The following KDM4C variants were observed in gnomAD, a reference collection of about 807,000 sequenced individuals.
KDM4C encodes the protein lysine demethylase 4C.
In KDM4C, 81 loss-of-function variants were observed where a neutral mutation model predicts 129.3. The ratio of observed to expected loss-of-function variants is 0.63; its 90% CI spans 0.52 to 0.75. The LOEUF is 0.75. Ranked by LOEUF, KDM4C falls within the 30% of genes least tolerant of loss-of-function variation. KDM4C has a pLI of 0.00. For synonymous variants in KDM4C, 573 were observed against 456.1 expected, an observed-to-expected ratio of 1.26 and a Z score of -3.26; for missense variants, 1,457 against 1,304.0, an observed-to-expected ratio of 1.12 and a Z score of -1.81.
chr9:6,997,155 C>T (rs1819911460), intron 12 of KDM4C, among the ~76,000 whole-genome samples: 1 of 152,102 alleles, frequency 6.6e-6, no homozygotes, highest in South Asian at 2.1e-4. Flanking sequence ...AAGTGTTTGG[C>T]ACATAATGAC....
At chr9:7,150,773 C>T (rs1842657939) in intron 19 of KDM4C, among the ~76,000 whole-genome samples, 1 of 152,138 alleles carries the variant, frequency 6.6e-6, no homozygotes, top group Admixed American at 6.5e-5. Flanking sequence ...TTCAAAGGAA[C>T]CAGAAAAATA....
chr9:6,860,625 A>G (rs1231297369), intron 5 of KDM4C, among the ~76,000 whole-genome samples: 1 of 152,222 alleles, frequency 6.6e-6, no homozygotes, highest in Non-Finnish European at 1.5e-5. Context: ...AAAGTAAACA[A>G]ACAAAAAAAG....
intron 8 of KDM4C, among the ~76,000 whole-genome samples, chr9:6,959,311 T>C (rs1695615917): frequency 6.6e-6 from 1 of 152,172 alleles, no homozygotes; most frequent in Non-Finnish European, 1.5e-5. Context: ...GATGTCAGAG[T>C]CCCCTCACTC....
chr9:6,840,485 C>T (rs935657932), intron 4 of KDM4C, among the ~76,000 whole-genome samples: 3 of 152,200 alleles, frequency 2.0e-5, no homozygotes, highest in Admixed American at 6.5e-5. Flanking sequence ...TAACCTCTGC[C>T]TCCCAGGTTC....
chr9:6,780,673 C>T (rs1479297304), intron 1 of KDM4C, among the ~76,000 whole-genome samples: 2 of 138,508 alleles, frequency 1.4e-5, no homozygotes, highest in African/African-American at 5.4e-5. Context: ...AAGGCCGAGG[C>T]AGGAGAATTG....
intron 1 of KDM4C, among the ~76,000 whole-genome samples, chr9:6,764,958 A>G (rs1820327274): frequency 6.6e-6 from 1 of 152,116 alleles, no homozygotes; most frequent in Admixed American, 6.6e-5. Flanking sequence ...CCAACACTTC[A>G]TGGTTCCTCA....
intron 5 of KDM4C, among the ~76,000 whole-genome samples, chr9:6,871,864 A>G (rs1430728976): frequency 6.6e-6 from 1 of 152,188 alleles, no homozygotes; most frequent in Non-Finnish European, 1.5e-5. Flanking sequence ...TCAAGACAAA[A>G]ATGATGTGTG....
chr9:7,098,926 C>T (rs1564115021), intron 17 of KDM4C, among the ~76,000 whole-genome samples: 1 of 152,050 alleles, frequency 6.6e-6, no homozygotes, highest in Non-Finnish European at 1.5e-5. Flanking sequence ...CTATTACGAA[C>T]CCTGTATTTA....
In KDM4C at chr9:6,859,948, G is replaced by A. The variant is rs145396267; in HGVS notation, c.629+10248G>A. Among the ~76,000 whole-genome samples the A allele has an allele frequency of 2.8e-3, 431 of 152,006 alleles. 7 individuals carry two copies. The highest frequency in any genetic ancestry group is 1.0e-2 in the African/African-American group (413 of 41,452). On this transcript the variant is annotated intron_variant, in intron 5 of 21. Coordinates refer to ENST00000381309, the MANE Select transcript of KDM4C (RefSeq NM_015061.6). ...TAATAAGTCTTGCAGTTGGGATTCAGACTATTAACTGATTTTTCCTATAGC... is the reference window on the plus strand; with the variant it reads ...TAATAAGTCTTGCAGTTGGGATTCAAACTATTAACTGATTTTTCCTATAGC...
intron 5 of KDM4C, among the ~76,000 whole-genome samples, chr9:6,879,423 GAAAT>G (rs1382742177): frequency 5.3e-5 from 8 of 152,074 alleles, no homozygotes; most frequent in African/African-American, 7.2e-5. Context: ...ACATAATTAT[GAAAT>G]AAATAAAACT....
intron 15 of KDM4C, among the ~76,000 whole-genome samples, chr9:7,028,600 G>A (rs890550369): frequency 6.6e-6 from 1 of 152,040 alleles, no homozygotes; most frequent in Non-Finnish European, 1.5e-5. Flanking sequence ...TGGTGTCTCA[G>A]TAAGTTGAAT....
rs377184355 is a variant in KDM4C at position 7,066,730 on chromosome 9, G to GT, written c.2424+17536dup. Among the ~76,000 whole-genome samples the GT allele has an allele frequency of 5.4e-3, 828 of 152,236 alleles. 8 individuals carry two copies. The highest frequency in any genetic ancestry group is 0.019 in the African/African-American group (771 of 41,552). On this transcript the variant is annotated intron_variant, in intron 17 of 21. Coordinates refer to ENST00000381309, the MANE Select transcript of KDM4C (RefSeq NM_015061.6). ...CCAAATACTATGATGTCTTGGAGTT[G>GT]TTTTTTGTAAATAATGCAGGGATTA...
rs144831970 is a variant in KDM4C, at chr9:7,089,094, T to C, written c.2425-14591T>C. 2.7e-3 allele frequency among the ~76,000 whole-genome samples: 408 copies of C among 152,262 alleles called. 2 individuals are homozygous for C. Among genetic ancestry groups the C allele is most frequent in the African/African-American group, 9.5e-3 (396 of 41,546 alleles). Reference sequence around the variant, plus strand: ...AAACAGGAAGGAAAAAGAAAAATATTAGAGCTGCTAAAATTTGGAATTATA... The same window carrying C: ...AAACAGGAAGGAAAAAGAAAAATATCAGAGCTGCTAAAATTTGGAATTATA... On this transcript the variant is annotated intron_variant, in intron 17 of 21. Coordinates refer to ENST00000381309, the MANE Select transcript of KDM4C (RefSeq NM_015061.6).
intron 15 of KDM4C, among the ~76,000 whole-genome samples, chr9:7,019,559 GT>G (rs1269115481): frequency 6.6e-6 from 1 of 151,254 alleles, no homozygotes; most frequent in African/African-American, 2.4e-5. Context: ...AAATTTAATT[GT>G]TCTGTTGGTG....
At chr9:6,725,023 G>A (rs988037919) in intron 1 of KDM4C, among the ~76,000 whole-genome samples, 2 of 152,014 alleles carry the variant, frequency 1.3e-5, no homozygotes, top group Admixed American at 1.3e-4. Context: ...GTTTCTAGAG[G>A]CTCTCCTCAT....
chr9:6,873,725 T>G (rs1843123408), intron 5 of KDM4C, among the ~76,000 whole-genome samples: 2 of 152,232 alleles, frequency 1.3e-5, no homozygotes, highest in African/African-American at 2.4e-5. Flanking sequence ...TGTTTTCTTA[T>G]CATCATTGTG....
At chr9:7,007,792 A>G (rs1173305680) in intron 12 of KDM4C, among the ~76,000 whole-genome samples, 1 of 152,142 alleles carries the variant, frequency 6.6e-6, no homozygotes, top group Non-Finnish European at 1.5e-5. Flanking sequence ...ACCAGGGAAA[A>G]TTTAAATTAT....
rs146687012 is a variant in KDM4C at position 6,736,970 on chromosome 9, G to C, written c.49+15973G>C. Reference sequence around the variant, plus strand: ...GGAGGCGGAGGCACAAGTATCGCTTGAACCTGGGAGGGGGAGGTTGCAGTG... The same window carrying C: ...GGAGGCGGAGGCACAAGTATCGCTTCAACCTGGGAGGGGGAGGTTGCAGTG... On this transcript the variant is annotated intron_variant, in intron 1 of 17. Coordinates refer to the KDM4C transcript ENST00000536108. Among the ~76,000 whole-genome samples, 1,422 of 147,208 alleles carry C rather than the reference G, an allele frequency of 9.7e-3. 21 individuals carry two copies. Among genetic ancestry groups the C allele is most frequent in the African/African-American group, 0.034 (1,354 of 39,856 alleles).
chr9:6,916,563 A>G (rs1820355653), intron 8 of KDM4C, among the ~76,000 whole-genome samples: 1 of 151,856 alleles, frequency 6.6e-6, no homozygotes, highest in South Asian at 2.1e-4. Flanking sequence ...CCTGGCTGAT[A>G]TTTTTCTTTA....
Sources: allele counts gnomAD v4.1 joint callset (sites outside exome capture counted in the v4.1 genomes callset), GRCh38; gene constraint gnomAD v4.1.1; transcripts MANE v1.5; gene names NCBI Gene and HGNC (gene_info 2026-07-23, HGNC 2026-07-21).